The following ATOH8 variants were observed in gnomAD, a reference collection of about 807,000 sequenced individuals.
ATOH8 encodes the protein transcription factor ATOH8.
A neutral mutation model predicts 21.2 loss-of-function variants in ATOH8; 9 were observed. The observed-to-expected ratio is 0.42, with a 90% CI of 0.26 to 0.74. The LOEUF (loss-of-function observed/expected upper bound fraction) is 0.74. ATOH8 is among the 30% of genes least tolerant of loss of function. The probability of loss-of-function intolerance (pLI) is 0.24; values close to 1 mark genes in which losing one functional copy is unlikely to be tolerated. For synonymous variants in ATOH8, 253 were observed against 224.0 expected, an observed-to-expected ratio of 1.13 and a Z score of -1.16; for missense variants, 524 against 470.9, an observed-to-expected ratio of 1.11 and a Z score of -1.04.
At chr2:85,763,760 C>T (rs1194124386) in intron 1 of ATOH8, among the ~76,000 whole-genome samples, 1 of 151,756 alleles carries the variant, frequency 6.6e-6, no homozygotes, top group Non-Finnish European at 1.5e-5. Flanking sequence ...GGGCATAAGC[C>T]AAACCTGTTT....
At position 85,774,013 on chromosome 2, in the gene ATOH8, G is replaced by T. The variant is rs562197445; in HGVS notation, c.960+9831G>T. Reference sequence around the variant, plus strand: ...GGGCCGTGCGGCCGGGTGCTCAAGTGTTTTAACCTCAGGACCCTGATTAGT... The same window carrying T: ...GGGCCGTGCGGCCGGGTGCTCAAGTTTTTTAACCTCAGGACCCTGATTAGT... On this transcript the variant is annotated intron_variant, in intron 2 of 2. Transcript: ENST00000306279. The T allele has an allele frequency of 1.0e-4, 94 of 895,274 alleles. No individual in the cohort carries two copies. The African/African-American group carries it at 1.5e-3, about 15-fold the overall frequency. 55.5% of individuals were successfully genotyped at this position (895,274 alleles called of 1,614,324 possible).
At position 85,790,530 on chromosome 2, in the gene ATOH8, C is replaced by T. The variant is rs913007462; in HGVS notation, c.*3640C>T. ...GAGGTTTTGAGCAAGTGTTCATCCC[C>T]CCACACTATGCTCCTTCCTGTCTCC... On this transcript the variant is annotated 3_prime_UTR_variant, in exon 3 of 3. Transcript: ENST00000306279. 6.6e-5 allele frequency among the ~76,000 whole-genome samples: 10 copies of T among 152,218 alleles called. No homozygotes were observed. The highest frequency in any genetic ancestry group is 1.3e-4 in the Admixed American group (2 of 15,280).
At chr2:85,758,733 G>A (rs1269655791) in intron 1 of ATOH8, among the ~76,000 whole-genome samples, 10 of 152,218 alleles carry the variant, frequency 6.6e-5, no homozygotes, top group African/African-American at 2.2e-4. Flanking sequence ...AGGGCAGATG[G>A]TCAGGCCCCA....
At chr2:85,770,051 G>T (rs1680137572) in intron 2 of ATOH8, among the ~76,000 whole-genome samples, 5 of 152,220 alleles carry the variant, frequency 3.3e-5, no homozygotes, top group Admixed American at 3.3e-4. Context: ...CGCTCCTAGA[G>T]ACTGTTGGGA....
intron 2 of ATOH8, among the ~76,000 whole-genome samples, chr2:85,765,205 G>C (rs199747297): frequency 6.6e-6 from 1 of 152,190 alleles, no homozygotes; most frequent in Non-Finnish European, 1.5e-5. Flanking sequence ...GCCTAGGGCA[G>C]GGGGCGGACC....
chr2:85,774,971 G>A (rs765883820), intron 2 of ATOH8: 75 of 985,036 alleles, frequency 7.6e-5, no homozygotes, highest in South Asian at 9.4e-5. Flanking sequence ...TCAGGGTGTC[G>A]TAGCACAGGG....
chr2:85,762,326 T>G (rs1679891938), intron 1 of ATOH8, among the ~76,000 whole-genome samples: 1 of 152,248 alleles, frequency 6.6e-6, no homozygotes, highest in Admixed American at 6.5e-5. Context: ...TTATGCCAGA[T>G]AGCTTCATCT....
Position 85,772,680 on chromosome 2 carries a change from C to G in ATOH8, c.960+8498C>G. 4.4e-6 allele frequency: 2 copies of G among 456,320 alleles called. 1 individual carries two copies. The highest frequency in any genetic ancestry group is 3.1e-5 in the South Asian group (2 of 64,366). 28.3% of individuals were successfully genotyped at this position (456,320 alleles called of 1,614,324 possible). A position where few individuals can be genotyped will look rare whatever the true frequency, so the allele number is the denominator to read the frequency against. On this transcript the variant is annotated intron_variant, in intron 2 of 2. Coordinates refer to ENST00000306279, the MANE Select transcript of ATOH8 (RefSeq NM_032827.7). Reference sequence around the variant, plus strand: ...CTGGTTTGGAGGCAGCAGGGAAAACCGTGCAAAAGGTTCTTTGTGAGAGAG... The same window carrying G: ...CTGGTTTGGAGGCAGCAGGGAAAACGGTGCAAAAGGTTCTTTGTGAGAGAG...
chr2:85,754,957 G>A lies in ATOH8; in HGVS notation c.768G>A (p.Gln256=). Residue 256 remains glutamine (Q), a splice_region_variant and synonymous_variant, in exon 1 of 3, where the codon CAG becomes CAA. Coordinates refer to ENST00000306279, the MANE Select transcript of ATOH8 (RefSeq NM_032827.7). ...ISAAFEALRK[Q]VPCYSYGQKL... Reference sequence around the variant, plus strand: ...CAGCCTTCGAGGCGCTCAGGAAGCAGGTACCCGCTCGCCGCCGCACGCCCT... The same window carrying A: ...CAGCCTTCGAGGCGCTCAGGAAGCAAGTACCCGCTCGCCGCCGCACGCCCT... 1 of 1,586,852 alleles carries A rather than the reference G, an allele frequency of 6.3e-7. No individual in the cohort carries two copies. The highest frequency in any genetic ancestry group is 8.5e-7 in the Non-Finnish European group (1 of 1,172,060).
At position 85,787,158 on chromosome 2, in the gene ATOH8, C is replaced by A; in HGVS notation, c.*268C>A. 1 of 476,480 alleles carries A rather than the reference C, an allele frequency of 2.1e-6. No homozygotes were observed. The highest frequency in any genetic ancestry group is 3.7e-6 in the Non-Finnish European group (1 of 267,132). The allele number at this position is 476,480 out of a possible 1,614,324, so 29.5% of individuals were successfully genotyped here. Reference sequence around the variant, plus strand: ...CCCCGACTCACTCAGACCCCAAGGCCCACTGTCCAGCTGCAGAAATTCGTT... The same window carrying A: ...CCCCGACTCACTCAGACCCCAAGGCACACTGTCCAGCTGCAGAAATTCGTT... On this transcript the variant is annotated 3_prime_UTR_variant, in exon 3 of 3. Coordinates refer to ENST00000306279, the MANE Select transcript of ATOH8 (RefSeq NM_032827.7).
chr2:85,757,220 C>T (rs1679729368), intron 1 of ATOH8, among the ~76,000 whole-genome samples: 1 of 152,258 alleles, frequency 6.6e-6, no homozygotes, highest in African/African-American at 2.4e-5. Flanking sequence ...GAAAGAAATA[C>T]AGCCAGGACG....
rs541971104 is a variant in ATOH8, at chr2:85,754,633, G to C, written c.444G>C (p.Pro148=). The C allele has an allele frequency of 8.6e-4, 1,300 of 1,509,976 alleles. 5 individuals carry two copies. The African/African-American group carries it at 0.016, about 19-fold the overall frequency. The allele number at this position is 1,509,976 out of a possible 1,614,324, so 93.5% of individuals were successfully genotyped here. Residue 148 remains proline, a synonymous_variant, in exon 1 of 3, where the codon CCG becomes CCC. Coordinates refer to ENST00000306279, the MANE Select transcript of ATOH8 (RefSeq NM_032827.7). The stretch of plus-strand genomic sequence containing the variant: ...CAGAGGCACAGCCTTTCCGGGAGCC[G>C]GGTCTGCGTCCTCGCATCTTGCTGT... ...GGPEAQPFRE[P]GLRPRILLCA...
rs192802253 is a variant in ATOH8, at chr2:85,769,076, G to A, written c.960+4894G>A. Among the ~76,000 whole-genome samples, 128 of 152,342 alleles carry A rather than the reference G, an allele frequency of 8.4e-4. 2 individuals carry two copies. Among genetic ancestry groups the A allele is most frequent in the South Asian group, 1.0e-3 (5 of 4,826 alleles). Reference sequence around the variant, plus strand: ...AGGAGGAGGGGAAAGAGGAAGACAAGGAGGAGGCAGAACTGTTCTTCCACA... The same window carrying A: ...AGGAGGAGGGGAAAGAGGAAGACAAAGAGGAGGCAGAACTGTTCTTCCACA... On this transcript the variant is annotated intron_variant, in intron 2 of 2. Transcript: ENST00000306279.
chr2:85,775,128 T>C (rs1454758543), intron 2 of ATOH8: 2 of 923,898 alleles, frequency 2.2e-6, no homozygotes, highest in Non-Finnish European at 2.6e-6. Context: ...GGTGGTATGC[T>C]ATGTGACATA....
Position 85,754,297 on chromosome 2 carries a change from C to T in ATOH8, c.108C>T (p.Arg36=), listed in dbSNP as rs1679599324. 2.5e-6 allele frequency: 4 copies of T among 1,609,906 alleles called. No homozygotes were observed. In the South Asian group the frequency reaches 4.4e-5, roughly 18 times the overall value. Residue 36 remains arginine (R), a synonymous_variant, in exon 1 of 3, where the codon CGC becomes CGT. Coordinates refer to ENST00000306279, the MANE Select transcript of ATOH8 (RefSeq NM_032827.7). ...LKRKGKEPAR[R]ANGYKTFRLD... is the part of the protein sequence containing the mutation. ...GGAAAGGCAAGGAGCCGGCGCGGCG[C>T]GCGAACGGCTATAAAACTTTCCGAC...
Position 85,754,438 on chromosome 2 carries a change from C to T in ATOH8, c.249C>T (p.Ala83=). The T allele has an allele frequency of 2.6e-6, 4 of 1,521,802 alleles. No homozygotes were observed. The South Asian group carries it at 3.8e-5, about 15-fold the overall frequency. The allele number at this position is 1,521,802 out of a possible 1,614,324, so 94.3% of individuals were successfully genotyped here. A position where few individuals can be genotyped will look rare whatever the true frequency, so the allele number is the denominator to read the frequency against. Residue 83 remains alanine (A), a synonymous_variant, in exon 1 of 3, where the codon GCC becomes GCT. Coordinates refer to ENST00000306279, the MANE Select transcript of ATOH8 (RefSeq NM_032827.7). ...PVPVPVPVAP[A]VPPRGGTDTA... The stretch of plus-strand genomic sequence containing the variant: ...CGGTGCCAGTCCCAGTGGCGCCGGC[C>T]GTTCCCCCAAGAGGGGGCACGGACA...
At chr2:85,776,445 G>C (rs1312350182) in intron 2 of ATOH8, among the ~76,000 whole-genome samples, 1 of 152,224 alleles carries the variant, frequency 6.6e-6, no homozygotes, top group Non-Finnish European at 1.5e-5. Context: ...TTGTCAACTG[G>C]AGGCACAGCA....
At position 85,788,589 on chromosome 2, in the gene ATOH8, G is replaced by A. The variant is rs572177080; in HGVS notation, c.*1699G>A. ...AGGCCCATTGGGACTGGGGGAAGGG[G>A]TGATAAGATAAAAAATAGGAGAGCA... On this transcript the variant is annotated 3_prime_UTR_variant, in exon 3 of 3. Transcript: ENST00000306279. 3.5e-4 allele frequency among the ~76,000 whole-genome samples: 53 copies of A among 152,300 alleles called. No homozygotes were observed. The highest frequency in any genetic ancestry group is 1.3e-3 in the African/African-American group (52 of 41,560).
Position 85,766,688 on chromosome 2 carries a change from A to G in ATOH8, c.960+2506A>G, listed in dbSNP as rs552561747. 6.6e-6 allele frequency among the ~76,000 whole-genome samples: 1 copy of G among 152,288 alleles called. No homozygotes were observed. The highest frequency in any genetic ancestry group is 2.1e-4 in the South Asian group (1 of 4,820). ...AAGCAGCCAGATTCCTTTCCAGCTC[A>G]GGACCCCTGGAGTCGCTGGAGCCTT... On this transcript the variant is annotated intron_variant, in intron 2 of 2. Transcript: ENST00000306279. The surrounding 1 kb of genome is among the most constrained non-coding windows in gnomAD (Gnocchi z 4.0).
Sources: gnomAD v4.1 joint callset for allele counts (sites outside exome capture counted in the v4.1 genomes callset) on GRCh38, gnomAD v4.1.1 for gene constraint, Gnocchi (gnomAD v3.1) non-coding constraint, MANE v1.5 for transcripts, NCBI Gene and HGNC (gene_info 2026-07-23, HGNC 2026-07-21) for gene names.